Variants in NRG1 observed in about 807,000 individuals in gnomAD.
NRG1 encodes the protein pro-neuregulin-1, membrane-bound isoform.
NRG1 carries 18 observed loss-of-function variants against 63.8 expected under a neutral mutation model. The observed-to-expected ratio is 0.28, with a 90% CI of 0.19 to 0.42. The LOEUF (loss-of-function observed/expected upper bound fraction) is 0.42. Ranked by LOEUF, NRG1 falls within the 10% of genes least tolerant of loss-of-function variation. The probability of loss-of-function intolerance (pLI) is 1.00; values close to 1 mark genes in which losing one functional copy is unlikely to be tolerated. For synonymous variants in NRG1, 302 were observed against 301.3 expected (o/e 1.00, Z -0.02); for missense variants, 762 against 814.7 (o/e 0.94, Z 0.79).
intron 1 of NRG1, among the ~76,000 whole-genome samples, chr8:31,968,423 A>C (rs1200721852): frequency 1.3e-5 from 2 of 152,214 alleles, no homozygotes; most frequent in Non-Finnish European, 2.9e-5. Flanking sequence ...ATTCCCAAAG[A>C]GCTAATATAA....
intron 1 of NRG1, among the ~76,000 whole-genome samples, chr8:32,088,414 GA>G: frequency 6.6e-6 from 1 of 152,042 alleles, no homozygotes; most frequent in East Asian, 1.9e-4. Context: ...TGTAACTGGT[GA>G]AAAGTTGTCC....
At chr8:32,562,601 G>A (rs1040916960) in intron 1 of NRG1, among the ~76,000 whole-genome samples, 5 of 152,222 alleles carry the variant, frequency 3.3e-5, no homozygotes, top group East Asian at 1.9e-4. Flanking sequence ...AAGCATGCCT[G>A]GGCCAGACTG....
At chr8:32,199,013 A>C (rs771964529) in intron 1 of NRG1, among the ~76,000 whole-genome samples, 4 of 152,104 alleles carry the variant, frequency 2.6e-5, no homozygotes, top group Non-Finnish European at 5.9e-5. Context: ...AATATTGTTC[A>C]CTGCAGAGCC....
intron 1 of NRG1, among the ~76,000 whole-genome samples, chr8:32,413,898 G>A (rs1192075471): frequency 6.6e-6 from 1 of 151,654 alleles, no homozygotes; most frequent in Non-Finnish European, 1.5e-5. Flanking sequence ...AAACCTCCAG[G>A]ACTCTGTTGG....
chr8:32,474,735 AC>A (rs533140514), intron 1 of NRG1, among the ~76,000 whole-genome samples: 69 of 151,426 alleles, frequency 4.6e-4, no homozygotes, highest in African/African-American at 1.6e-3. Flanking sequence ...CGAACTATTA[AC>A]CTTGTGATCT....
intron 5 of NRG1, among the ~76,000 whole-genome samples, chr8:32,621,155 T>C (rs1014826976): frequency 6.6e-6 from 1 of 152,176 alleles, no homozygotes; most frequent in African/African-American, 2.4e-5. Flanking sequence ...ACTCAATTTT[T>C]GGAAATTGGA....
intron 5 of NRG1, among the ~76,000 whole-genome samples, chr8:32,680,113 CAT>C (rs898946344): frequency 6.6e-6 from 1 of 152,160 alleles, no homozygotes; most frequent in African/African-American, 2.4e-5. Flanking sequence ...AAATGTCTAA[CAT>C]AATTACCATG....
At chr8:31,742,281 C>T (rs1815354941) in intron 1 of NRG1, among the ~76,000 whole-genome samples, 1 of 151,688 alleles carries the variant, frequency 6.6e-6, no homozygotes, top group Non-Finnish European at 1.5e-5. Context: ...GAAGGTCATG[C>T]TATCTACAAA....
intron 5 of NRG1, among the ~76,000 whole-genome samples, chr8:32,720,821 C>A (rs1743138767): frequency 6.6e-6 from 1 of 151,972 alleles, no homozygotes; most frequent in Admixed American, 6.6e-5. Flanking sequence ...AGAAAAAAAA[C>A]AGCAACTTGT....
chr8:31,998,073 G>A (rs972514279), intron 1 of NRG1, among the ~76,000 whole-genome samples: 1 of 151,900 alleles, frequency 6.6e-6, no homozygotes, highest in Non-Finnish European at 1.5e-5. Flanking sequence ...CCTGGGGTGA[G>A]TTTCTCAATA....
intron 1 of NRG1, among the ~76,000 whole-genome samples, chr8:32,307,966 A>G (rs1481489742): frequency 1.3e-5 from 2 of 152,178 alleles, no homozygotes; most frequent in Non-Finnish European, 2.9e-5. Context: ...GATGAGGGTT[A>G]TCAGGGTTGC....
At chr8:31,920,848 T>A (rs1309585287) in intron 1 of NRG1, among the ~76,000 whole-genome samples, 1 of 150,932 alleles carries the variant, frequency 6.6e-6, no homozygotes, top group Non-Finnish European at 1.5e-5. Context: ...TAAACTTTTT[T>A]AAGATGGATA....
At chr8:32,271,053 TG>T (rs1851492736) in intron 1 of NRG1, among the ~76,000 whole-genome samples, 1 of 152,310 alleles carries the variant, frequency 6.6e-6, no homozygotes, top group South Asian at 2.1e-4. Flanking sequence ...GGGGCCTTTT[TG>T]CCCTCTTTTC....
At chr8:32,498,201 G>T (rs933405048) in intron 1 of NRG1, among the ~76,000 whole-genome samples, 16 of 152,276 alleles carry the variant, frequency 1.1e-4, no homozygotes, top group African/African-American at 3.4e-4. Context: ...AGACTAGGGG[G>T]TTTATAAACC....
rs529778070 is a variant in NRG1 at position 31,921,473 on chromosome 8, C to T, written c.37+282042C>T. 1.6e-3 allele frequency among the ~76,000 whole-genome samples: 118 copies of T among 76,068 alleles called. 1 individual carries two copies. Among genetic ancestry groups the T allele is most frequent in the African/African-American group, 6.2e-3 (108 of 17,558 alleles). The allele number at this position is 76,068 out of a possible 152,430, so 49.9% of individuals were successfully genotyped here. A position where few individuals can be genotyped will look rare whatever the true frequency, so the allele number is the denominator to read the frequency against. The stretch of plus-strand genomic sequence containing the variant: ...CACAATCTATTTACACACATACACA[C>T]ACATACACACACACACACACACACA... On this transcript the variant is annotated intron_variant, in intron 1 of 10. Coordinates refer to the NRG1 transcript ENST00000519301.
intron 1 of NRG1, among the ~76,000 whole-genome samples, chr8:32,203,295 A>T (rs1350117064): frequency 3.3e-5 from 5 of 150,934 alleles, no homozygotes; most frequent in African/African-American, 1.2e-4. Context: ...AGAGAAAGGA[A>T]TCTACGGAGT....
chr8:32,243,060 T>C (rs1848267125), intron 1 of NRG1, among the ~76,000 whole-genome samples: 1 of 152,124 alleles, frequency 6.6e-6, no homozygotes, highest in South Asian at 2.1e-4. Context: ...GTCTTCTCCC[T>C]GTGTCTCTCC....
At chr8:31,969,868 A>T (rs551595011) in intron 1 of NRG1, among the ~76,000 whole-genome samples, 1 of 152,302 alleles carries the variant, frequency 6.6e-6, no homozygotes, top group South Asian at 2.1e-4. Flanking sequence ...AGTGTATGTG[A>T]CAAAGATCAG....
At chr8:31,763,908 C>T (rs1409725713) in intron 1 of NRG1, among the ~76,000 whole-genome samples, 1 of 151,184 alleles carries the variant, frequency 6.6e-6, no homozygotes, top group Non-Finnish European at 1.5e-5. Flanking sequence ...CAAGATCGCG[C>T]CACCACACTC....
Sources: allele counts gnomAD v4.1 joint callset (sites outside exome capture counted in the v4.1 genomes callset), GRCh38; gene constraint gnomAD v4.1.1; transcripts MANE v1.5; gene names NCBI Gene and HGNC (gene_info 2026-07-23, HGNC 2026-07-21).